Variants in POLH observed in about 807,000 individuals in gnomAD.
POLH encodes the protein DNA polymerase eta, also known as DNA polymerase eta transcript.
Under a neutral mutation model 73.6 loss-of-function variants are expected in POLH, and 53 were observed. The observed-to-expected ratio is 0.72, with a 90% CI of 0.58 to 0.91. POLH has a LOEUF of 0.91. POLH is among the 40% of genes least tolerant of loss of function. The pLI is 0.00. For synonymous variants in POLH, 292 were observed against 308.5 expected (o/e 0.95, Z 0.56); for missense variants, 768 against 865.4 (o/e 0.89, Z 1.41).
chr6:43,600,896 G>T, intron 5 of POLH, 92 bp from the exon 6 acceptor site: 1 of 825,446 alleles, frequency 1.2e-6, no homozygotes, highest in Non-Finnish European at 2.2e-6. Context: ...CAGCTATTAA[G>T]CTCTGTGTGT....
chr6:43,585,439 A>C (rs1230644507), intron 3 of POLH, among the ~76,000 whole-genome samples: 1 of 152,118 alleles, frequency 6.6e-6, no homozygotes, highest in Admixed American at 6.6e-5. Flanking sequence ...CCCTCTAATT[A>C]TGCCGTGGTC....
At chr6:43,591,346 T>G (rs1222553778) in intron 4 of POLH, 1 of 152,138 alleles carries the variant, frequency 6.6e-6, no homozygotes, top group Non-Finnish European at 1.5e-5. Context: ...GCAACACTGA[T>G]TTTTTTGGTG....
chr6:43,613,945 C>G lies in POLH; in HGVS notation c.1530C>G (p.Ser510Arg). The change falls in exon 11 of 11, where the codon AGC becomes AGG. Residue 510 changes from serine to arginine, a missense_variant. Transcript: ENST00000372236. ...CTGCTCCCACTCAGGCTCCCATGAG[C>G]AATTCACCATCCAAGCCCTCATTAC... ...SLTAPTQAPM[S>R]NSPSKPSLPF... is the part of the protein sequence containing the mutation. The G allele has an allele frequency of 6.2e-7, 1 of 1,614,004 alleles. No homozygotes were observed. Among genetic ancestry groups the G allele is most frequent in the African/African-American group, 1.3e-5 (1 of 75,080 alleles).
chr6:43,582,746 T>C (rs1190963406), intron 2 of POLH, among the ~76,000 whole-genome samples: 1 of 152,186 alleles, frequency 6.6e-6, no homozygotes, highest in African/African-American at 2.4e-5. Flanking sequence ...CAGGGCTCAC[T>C]ATATTGCCCA....
At chr6:43,580,656 G>A (rs1412731232) in intron 1 of POLH, among the ~76,000 whole-genome samples, 3 of 137,200 alleles carry the variant, frequency 2.2e-5, no homozygotes, top group African/African-American at 8.8e-5. Context: ...GCGGCTGGCC[G>A]GGCAGGGGGG....
At chr6:43,606,613 G>C (rs1435921684) in intron 9 of POLH, among the ~76,000 whole-genome samples, 2 of 152,030 alleles carry the variant, frequency 1.3e-5, no homozygotes, top group African/African-American at 4.8e-5. Context: ...ATTTTTAGTA[G>C]AGACGGGGTT....
chr6:43,619,488 G>A lies in POLH; in HGVS notation c.*4931G>A, dbSNP rs1039286039. Among the ~76,000 whole-genome samples, 2 of 151,776 alleles carry A rather than the reference G, an allele frequency of 1.3e-5. No homozygotes were observed. The highest frequency in any genetic ancestry group is 6.6e-5 in the Admixed American group (1 of 15,198). ...CTTCATAGTGCTTTGCACATGATAG[G>A]TGCTGATACTCATTGGATGAATGTA... On this transcript the variant is annotated 3_prime_UTR_variant, in exon 11 of 11. Coordinates refer to ENST00000372236, the MANE Select transcript of POLH (RefSeq NM_006502.3).
chr6:43,617,016 C>G lies in POLH; in HGVS notation c.*2459C>G, dbSNP rs1457509649. 6.6e-6 allele frequency among the ~76,000 whole-genome samples: 1 copy of G among 152,126 alleles called. No individual in the cohort carries two copies. The highest frequency in any genetic ancestry group is 2.4e-5 in the African/African-American group (1 of 41,430). Reference sequence around the variant, plus strand: ...ACAAGCATGGCCAACATGGCGAAACCCTGTATCTACTAAAAATACAAAAAT... The same window carrying G: ...ACAAGCATGGCCAACATGGCGAAACGCTGTATCTACTAAAAATACAAAAAT... On this transcript the variant is annotated 3_prime_UTR_variant, in exon 11 of 11. Transcript: ENST00000372236.
chr6:43,579,631 T>C (rs932156441), intron 1 of POLH, among the ~76,000 whole-genome samples: 1 of 152,186 alleles, frequency 6.6e-6, no homozygotes, highest in South Asian at 2.1e-4. Context: ...CTCATGAGAT[T>C]CCCAATTTAT....
At chr6:43,577,798 T>A (rs1763536398) in intron 1 of POLH, among the ~76,000 whole-genome samples, 1 of 152,180 alleles carries the variant, frequency 6.6e-6, no homozygotes, top group African/African-American at 2.4e-5. Context: ...CTTTTAAAAA[T>A]CCCCGGCCTG....
chr6:43,579,011 A>ACC (rs1763711732), intron 1 of POLH, among the ~76,000 whole-genome samples: 1 of 152,214 alleles, frequency 6.6e-6, no homozygotes, highest in African/African-American at 2.4e-5. Context: ...AAATTGTACT[A>ACC]ATTTATCCTT....
chr6:43,617,379 A>G lies in POLH; in HGVS notation c.*2822A>G, dbSNP rs1372455748. Among the ~76,000 whole-genome samples the G allele has an allele frequency of 2.0e-5, 3 of 151,894 alleles. No individual in the cohort carries two copies. Among genetic ancestry groups the G allele is most frequent in the African/African-American group, 7.3e-5 (3 of 41,324 alleles). On this transcript the variant is annotated 3_prime_UTR_variant, in exon 11 of 11. Transcript: ENST00000372236. ...TGGTGGCTCATGCCTGTAATCCCAC[A>G]CTTTGGGAGGCCAAGGTGGGCGGAT... is the stretch of plus-strand genomic sequence containing the variant.
At chr6:43,580,885 C>T (rs1332971927) in intron 1 of POLH, among the ~76,000 whole-genome samples, 17 of 138,786 alleles carry the variant, frequency 1.2e-4, no homozygotes, top group African/African-American at 2.7e-4. Context: ...GCTGGCCGGG[C>T]GGAGGGCTGA....
chr6:43,592,476 A>G (rs1333693832), intron 4 of POLH, among the ~76,000 whole-genome samples: 2 of 150,086 alleles, frequency 1.3e-5, no homozygotes, highest in Non-Finnish European at 3.0e-5. Context: ...CAGTGGTGCA[A>G]TCTCGGCTCA....
chr6:43,599,988 G>T (rs756915634), intron 5 of POLH, among the ~76,000 whole-genome samples: 1 of 151,802 alleles, frequency 6.6e-6, no homozygotes, highest in East Asian at 1.9e-4. Flanking sequence ...GAGAAACTCC[G>T]TCTCTACTAA....
chr6:43,585,632 C>CTTTTTTTTTTTTT (rs927573344), intron 3 of POLH, among the ~76,000 whole-genome samples: 2 of 133,118 alleles, frequency 1.5e-5, no homozygotes, highest in African/African-American at 3.4e-5. Context: ...ATTGCTCTTT[C>CTTTTTTTTTTTTT]TTTTCTTTTT....
chr6:43,581,026 T>TCC (rs1764117474), intron 1 of POLH, among the ~76,000 whole-genome samples: 1 of 138,280 alleles, frequency 7.2e-6, no homozygotes, highest in Admixed American at 6.9e-5. Flanking sequence ...ACGGGGTGGC[T>TCC]GCCGGGCGGA....
chr6:43,581,695 C>CGGTCG (rs1229155267), intron 1 of POLH, among the ~76,000 whole-genome samples: 1 of 145,564 alleles, frequency 6.9e-6, no homozygotes, highest in Non-Finnish European at 1.5e-5. Context: ...CGGCTGCGGT[C>CGGTCG]GGTCGCGGCA....
At chr6:43,609,497 T>TC (rs1312109336) in intron 9 of POLH, among the ~76,000 whole-genome samples, 1 of 152,254 alleles carries the variant, frequency 6.6e-6, no homozygotes, top group Non-Finnish European at 1.5e-5. Context: ...TGTAGAATTT[T>TC]CACCTTCTTA....
Sources: allele counts gnomAD v4.1 joint callset (sites outside exome capture counted in the v4.1 genomes callset), GRCh38; gene constraint gnomAD v4.1.1; transcripts MANE v1.5; gene names NCBI Gene and HGNC (gene_info 2026-07-23, HGNC 2026-07-21).